SLC44A5: variants seen among roughly 807,000 people sequenced by gnomAD.
SLC44A5 encodes the protein solute carrier family 44 member 5, also known as choline transporter-like protein 5.
A neutral mutation model predicts 101.8 loss-of-function variants in SLC44A5; 57 were observed. That is an observed-to-expected ratio of 0.56 (90% CI 0.45 to 0.70). The LOEUF (loss-of-function observed/expected upper bound fraction) is 0.70, where lower values mean the gene tolerates loss of function less well. Ranked by LOEUF, SLC44A5 falls within the 30% of genes least tolerant of loss-of-function variation. The probability of loss-of-function intolerance (pLI) is 0.00; values close to 1 mark genes in which losing one functional copy is unlikely to be tolerated. For missense variants in SLC44A5, 737 were observed against 853.1 expected (o/e 0.86, Z 1.70); for synonymous variants, 281 against 290.9 (o/e 0.97, Z 0.35).
the SLC44A5 span, among the ~76,000 whole-genome samples, chr1:75,681,166 C>T: frequency 1.3e-4 from 20 of 151,996 alleles, no homozygotes; most frequent in Non-Finnish European, 2.6e-4. Flanking sequence ...GATTCACAGC[C>T]GAATTCTACC....
chr1:75,249,638 T>G (rs757385101), intron 7 of SLC44A5, among the ~76,000 whole-genome samples: 1 of 152,204 alleles, frequency 6.6e-6, no homozygotes, highest in Non-Finnish European at 1.5e-5. Flanking sequence ...TATTTATCAC[T>G]CCTTTTCTAA....
At chr1:75,655,773 G>A in the SLC44A5 span, among the ~76,000 whole-genome samples, 2 of 152,306 alleles carry the variant, frequency 1.3e-5, no homozygotes, top group East Asian at 3.9e-4. Flanking sequence ...CTGAGCCACT[G>A]TTCCATACAT....
At chr1:75,476,688 A>G (rs1026801208) in intron 2 of SLC44A5, among the ~76,000 whole-genome samples, 5 of 152,224 alleles carry the variant, frequency 3.3e-5, no homozygotes, top group Admixed American at 1.3e-4. Context: ...AGGCGGCAGC[A>G]AGGCTGCGGG....
intron 3 of SLC44A5, among the ~76,000 whole-genome samples, chr1:75,350,822 A>G (rs1462321623): frequency 6.8e-6 from 1 of 146,076 alleles, no homozygotes; most frequent in African/African-American, 2.5e-5. Flanking sequence ...TTAACCCAGG[A>G]GGTGAAGGTT....
intron 2 of SLC44A5, among the ~76,000 whole-genome samples, chr1:75,432,651 T>A (rs1664678981): frequency 6.6e-6 from 1 of 152,102 alleles, no homozygotes; most frequent in Admixed American, 6.6e-5. Context: ...CTACTGAAAA[T>A]TATACCCAGC....
chr1:75,347,428 C>CGTGTT (rs1658327176), intron 3 of SLC44A5, among the ~76,000 whole-genome samples: 1 of 152,098 alleles, frequency 6.6e-6, no homozygotes, highest in South Asian at 2.1e-4. Context: ...ATAAAAACTA[C>CGTGTT]AGGTGGAGTA....
intron 2 of SLC44A5, among the ~76,000 whole-genome samples, chr1:75,425,169 AG>A (rs1425119668): frequency 2.0e-5 from 3 of 152,242 alleles, no homozygotes; most frequent in Non-Finnish European, 2.9e-5. Context: ...GTGAAACAAG[AG>A]GTACAGCAAA....
At chr1:75,528,909 T>C (rs1670572413) in intron 2 of SLC44A5, among the ~76,000 whole-genome samples, 1 of 152,186 alleles carries the variant, frequency 6.6e-6, no homozygotes, top group African/African-American at 2.4e-5. Flanking sequence ...CTTATTCATC[T>C]TTCATGTAAA....
intron 23 of SLC44A5, chr1:75,204,828 C>A (rs1048029286): frequency 2.0e-5 from 3 of 152,082 alleles, no homozygotes; most frequent in Non-Finnish European, 2.9e-5. Flanking sequence ...AACTAGAGAA[C>A]TTTATAATAA....
At chr1:75,295,181 C>T (rs1169243037) in intron 5 of SLC44A5, among the ~76,000 whole-genome samples, 1 of 150,100 alleles carries the variant, frequency 6.7e-6, no homozygotes, top group African/African-American at 2.4e-5. Context: ...TCAATCATAG[C>T]TCATAAAGCT....
At chr1:75,660,548 A>G in the SLC44A5 span, among the ~76,000 whole-genome samples, 1 of 152,220 alleles carries the variant, frequency 6.6e-6, no homozygotes, top group African/African-American at 2.4e-5. Flanking sequence ...TCATTTGCAG[A>G]TGACATAATT....
chr1:75,218,737 C>G lies in SLC44A5; in HGVS notation c.1282G>C (p.Glu428Gln). ...TCDPEIFNTT[E>Q]IAKACPGALC... is the part of the protein sequence containing the mutation. ...GCCCCAGGGCAAGCTTTGGCAATTTCAGTTGTATTAAAAATCTGCATTGAG... is the reference window on the plus strand; with the variant it reads ...GCCCCAGGGCAAGCTTTGGCAATTTGAGTTGTATTAAAAATCTGCATTGAG... The change falls in exon 17 of 24, where the codon GAA (glutamate) becomes CAA (glutamine). Residue 428 changes from glutamate (E) to glutamine (Q), a missense_variant. Physicochemically the swap from Glu to Gln is conservative, Grantham distance 29. Coordinates refer to ENST00000370859, the MANE Select transcript of SLC44A5 (RefSeq NM_001130058.2). 6.2e-7 allele frequency: 1 copy of G among 1,610,958 alleles called. No homozygotes were observed. Among genetic ancestry groups the G allele is most frequent in the South Asian group, 1.1e-5 (1 of 90,638 alleles).
chr1:75,339,742 G>T (rs1296822318), intron 3 of SLC44A5, 112 bp from the exon 4 acceptor site: 1 of 818,028 alleles, frequency 1.2e-6, no homozygotes, highest in African/African-American at 1.8e-5. Flanking sequence ...GTGCAGTGAT[G>T]AATTCATACT....
chr1:75,476,183 A>C (rs189884004), intron 2 of SLC44A5, among the ~76,000 whole-genome samples: 1,947 of 147,926 alleles, frequency 0.013, 32 homozygotes, highest in Middle Eastern at 0.056. Context: ...ATTCTGTATC[A>C]AAAAAAAAAG....
At chr1:75,497,229 C>T (rs1479860355) in intron 2 of SLC44A5, among the ~76,000 whole-genome samples, 2 of 152,152 alleles carry the variant, frequency 1.3e-5, no homozygotes, top group Admixed American at 1.3e-4. Context: ...AATATGGGAA[C>T]AACCTAAGTG....
intron 1 of SLC44A5, among the ~76,000 whole-genome samples, chr1:75,588,264 G>T (rs1674136580): frequency 6.8e-6 from 1 of 146,900 alleles, no homozygotes; most frequent in Non-Finnish European, 1.5e-5. Flanking sequence ...GGGAAGGAGG[G>T]GGGAGGAAGG....
intron 2 of SLC44A5, among the ~76,000 whole-genome samples, chr1:75,478,919 A>T (rs1667622361): frequency 6.6e-6 from 1 of 152,116 alleles, no homozygotes; most frequent in Non-Finnish European, 1.5e-5. Flanking sequence ...CATCTACAGA[A>T]CTCTCCACCC....
the SLC44A5 span, among the ~76,000 whole-genome samples, chr1:75,646,351 C>T: frequency 1.3e-5 from 2 of 151,734 alleles, no homozygotes; most frequent in African/African-American, 4.8e-5. Flanking sequence ...CCTTCACATC[C>T]TTTGTAAGTT....
chr1:75,590,780 C>A (rs1159178141), intron 1 of SLC44A5, among the ~76,000 whole-genome samples: 1 of 152,098 alleles, frequency 6.6e-6, no homozygotes. Flanking sequence ...GCCAGGTCAA[C>A]AACAATAAAT....
Sources: gnomAD v4.1 joint callset for allele counts (sites outside exome capture counted in the v4.1 genomes callset) on GRCh38, gnomAD v4.1.1 for gene constraint, MANE v1.5 for transcripts, NCBI Gene and HGNC (gene_info 2026-07-23, HGNC 2026-07-21) for gene names.